Variants in GUCA1C observed in about 807,000 individuals in gnomAD.
GUCA1C encodes guanylate cyclase activator 1C, also known as guanylyl cyclase-activating protein 3.
A neutral mutation model predicts 16.2 loss-of-function variants in GUCA1C; 15 were observed. The ratio of observed to expected loss-of-function variants is 0.93; its 90% CI spans 0.62 to 1.43. GUCA1C has a LOEUF of 1.43. GUCA1C is among the 40% of genes most tolerant of loss of function. The pLI, the probability that GUCA1C is intolerant of heterozygous loss-of-function variation, is 0.00. For synonymous variants in GUCA1C, 78 were observed against 85.4 expected, an observed-to-expected ratio of 0.91 and a Z score of 0.48; for missense variants, 275 against 244.8, an observed-to-expected ratio of 1.12 and a Z score of -0.82.
At chr3:108,927,432 C>CTTTTT (rs55930777) in intron 1 of GUCA1C, among the ~76,000 whole-genome samples, 6 of 128,258 alleles carry the variant, frequency 4.7e-5, no homozygotes, top group African/African-American at 1.8e-4. Context: ...TTTTTTAATT[C>CTTTTT]TTTTTTTTTT....
At chr3:108,945,053 T>C (rs972682082) in intron 1 of GUCA1C, among the ~76,000 whole-genome samples, 1 of 152,194 alleles carries the variant, frequency 6.6e-6, no homozygotes, top group Non-Finnish European at 1.5e-5. Context: ...CAGAAGGAAG[T>C]TCCACTCTGT....
chr3:108,912,799 A>G (rs1946469810), intron 3 of GUCA1C, among the ~76,000 whole-genome samples: 1 of 151,268 alleles, frequency 6.6e-6, no homozygotes, highest in South Asian at 2.1e-4. Flanking sequence ...TATTTCTTAC[A>G]TGACATCTTC....
chr3:108,953,895 A>G (rs1294890259), upstream of GUCA1C: 1 of 633,508 alleles, frequency 1.6e-6, no homozygotes, highest in East Asian at 2.6e-5. Context: ...TCTTACAGCA[A>G]CAAGCTAAAT....
At chr3:108,916,756 CA>C (rs1465892415) in intron 2 of GUCA1C, among the ~76,000 whole-genome samples, 1 of 152,064 alleles carries the variant, frequency 6.6e-6, no homozygotes, top group Non-Finnish European at 1.5e-5. Flanking sequence ...TGTCAGGGCC[CA>C]GGGGGCAAAT....
chr3:108,954,911 T>C (rs1365498959), upstream of GUCA1C, among the ~76,000 whole-genome samples: 1 of 151,958 alleles, frequency 6.6e-6, no homozygotes, highest in Non-Finnish European at 1.5e-5. Flanking sequence ...TAATTTTTTG[T>C]ATTTTTAGTA....
At chr3:108,947,068 T>C (rs1946851108) in intron 1 of GUCA1C, among the ~76,000 whole-genome samples, 1 of 152,170 alleles carries the variant, frequency 6.6e-6, no homozygotes, top group African/African-American at 2.4e-5. Context: ...ATGATGTATA[T>C]TTTAATTAGC....
chr3:108,950,694 A>G (rs1380282988), intron 1 of GUCA1C, among the ~76,000 whole-genome samples: 2 of 152,194 alleles, frequency 1.3e-5, no homozygotes, highest in African/African-American at 4.8e-5. Context: ...AGGCTTGCTT[A>G]GCTTGAATAC....
In GUCA1C at chr3:108,909,351, G is replaced by A. The variant is rs572652333; in HGVS notation, c.443-1142C>T. On this transcript the variant is annotated intron_variant, in intron 3 of 3. Transcript: ENST00000261047. ...TGTGTGTCACAGAAAAGGTACAATC[G>A]TAGAATAAACCATAGGGAGTAGAGA... 4.6e-5 allele frequency among the ~76,000 whole-genome samples: 7 copies of A among 152,292 alleles called. No homozygotes were observed. The East Asian group carries it at 9.7e-4, about 21-fold the overall frequency.
chr3:108,931,597 T>C (rs959320752), intron 1 of GUCA1C, among the ~76,000 whole-genome samples: 7 of 152,258 alleles, frequency 4.6e-5, no homozygotes, highest in Admixed American at 1.3e-4. Flanking sequence ...TTGTAGAAAT[T>C]TGCATTGGTG....
intron 1 of GUCA1C, among the ~76,000 whole-genome samples, chr3:108,939,223 CCTT>C (rs1946759732): frequency 1.3e-5 from 2 of 151,142 alleles, no homozygotes; most frequent in South Asian, 4.2e-4. Context: ...GATCCTTGCT[CCTT>C]AATGAATAGA....
chr3:108,944,890 G>A (rs1292838967), intron 1 of GUCA1C, among the ~76,000 whole-genome samples: 2 of 152,176 alleles, frequency 1.3e-5, no homozygotes, highest in East Asian at 3.8e-4. Context: ...AGGATGAATT[G>A]ATGCACCACT....
chr3:108,933,087 A>G (rs984483873), intron 1 of GUCA1C, among the ~76,000 whole-genome samples: 1 of 152,146 alleles, frequency 6.6e-6, no homozygotes, highest in Non-Finnish European at 1.5e-5. Context: ...CACATATGTC[A>G]TACTCTTCCA....
intron 1 of GUCA1C, among the ~76,000 whole-genome samples, chr3:108,943,296 G>A (rs763637355): frequency 1.3e-5 from 2 of 152,136 alleles, no homozygotes; most frequent in African/African-American, 2.4e-5. Flanking sequence ...GAAACACCAC[G>A]TTTGGCAATT....
intron 1 of GUCA1C, among the ~76,000 whole-genome samples, chr3:108,925,583 G>C (rs1327201308): frequency 1.3e-5 from 2 of 152,136 alleles, no homozygotes; most frequent in Non-Finnish European, 2.9e-5. Flanking sequence ...CTGATGAATA[G>C]AATGTATATT....
chr3:108,937,877 C>A (rs1040582309), intron 1 of GUCA1C, among the ~76,000 whole-genome samples: 1 of 152,082 alleles, frequency 6.6e-6, no homozygotes, highest in Non-Finnish European at 1.5e-5. Flanking sequence ...TCAAGACCAG[C>A]CTGACAAAGA....
At chr3:108,935,348 GA>G (rs200598660) in intron 1 of GUCA1C, among the ~76,000 whole-genome samples, 5 of 146,656 alleles carry the variant, frequency 3.4e-5, no homozygotes, top group East Asian at 3.9e-4. Context: ...AATGAAAATT[GA>G]AAAAAAAATA....
intron 2 of GUCA1C, 138 bp downstream of exon 2, chr3:108,920,298 G>C: frequency 1.5e-6 from 1 of 679,248 alleles, no homozygotes; most frequent in Non-Finnish European, 2.6e-6. Context: ...GTTAAGTAAA[G>C]CTTATATTAC....
At chr3:108,930,321 C>G (rs995408341) in intron 1 of GUCA1C, among the ~76,000 whole-genome samples, 1 of 152,214 alleles carries the variant, frequency 6.6e-6, no homozygotes, top group Non-Finnish European at 1.5e-5. Context: ...ATTTATCAGT[C>G]TGTAAAGTGT....
intron 1 of GUCA1C, among the ~76,000 whole-genome samples, chr3:108,948,847 ATT>A (rs36115653): frequency 4.9e-5 from 7 of 143,678 alleles, no homozygotes; most frequent in South Asian, 2.2e-4. Context: ...AGATCTGGGA[ATT>A]TTTTTTTTTT....
Sources: gnomAD v4.1 joint callset for allele counts (sites outside exome capture counted in the v4.1 genomes callset) on GRCh38, gnomAD v4.1.1 for gene constraint, MANE v1.5 for transcripts, NCBI Gene and HGNC (gene_info 2026-07-23, HGNC 2026-07-21) for gene names.